Variants in ANKFN1 observed in about 807,000 individuals in gnomAD.
ANKFN1 encodes the protein ankyrin repeat and fibronectin type-III domain-containing protein 1.
In ANKFN1, 74 loss-of-function variants were observed where a neutral mutation model predicts 108.7. The observed-to-expected ratio is 0.68, with a 90% confidence interval of 0.56 to 0.83. The LOEUF (loss-of-function observed/expected upper bound fraction) is 0.83, where lower values mean the gene tolerates loss of function less well. ANKFN1 is among the 40% of genes least tolerant of loss of function. The probability of loss-of-function intolerance (pLI) is 0.00; values close to 1 mark genes in which losing one functional copy is unlikely to be tolerated. For synonymous variants in ANKFN1, 547 were observed against 516.2 expected, an observed-to-expected ratio of 1.06 and a Z score of -0.81; for missense variants, 1,505 against 1,382.3, an observed-to-expected ratio of 1.09 and a Z score of -1.41.
At chr17:56,278,702 C>G (rs2043996486) in intron 3 of ANKFN1, among the ~76,000 whole-genome samples, 1 of 152,200 alleles carries the variant, frequency 6.6e-6, no homozygotes, top group Non-Finnish European at 1.5e-5. Context: ...AACAATAATT[C>G]TGAGAGTAGA....
In ANKFN1 at chr17:56,091,550, G is replaced by A. The variant is rs141949583; in HGVS notation, c.288+45225G>A. ...GAACCAGCTTTTTAACAAATGTGGA[G>A]CAGCAGGTTCTTTGTTGAAAAACTA... On this transcript the variant is annotated intron_variant, in intron 4 of 12. Transcript: ENST00000635860. Among the ~76,000 whole-genome samples the A allele has an allele frequency of 2.0e-3, 300 of 151,120 alleles. 7 individuals are homozygous for A. Among genetic ancestry groups the A allele is most frequent in the African/African-American group, 6.5e-3 (269 of 41,236 alleles).
intron 4 of ANKFN1, among the ~76,000 whole-genome samples, chr17:56,342,146 G>A (rs1180716385): frequency 1.3e-5 from 2 of 151,322 alleles, no homozygotes; most frequent in Non-Finnish European, 2.9e-5. Context: ...GGAGTCAGTG[G>A]TAATATCCCC....
intron 4 of ANKFN1, among the ~76,000 whole-genome samples, chr17:56,086,369 C>T (rs1433547020): frequency 6.6e-6 from 1 of 151,346 alleles, no homozygotes; most frequent in African/African-American, 2.4e-5. Flanking sequence ...CACACCATTG[C>T]ACTCCAGCCT....
intron 4 of ANKFN1, among the ~76,000 whole-genome samples, chr17:56,055,319 G>A (rs945609765): frequency 4.0e-5 from 6 of 151,550 alleles, no homozygotes; most frequent in Non-Finnish European, 8.8e-5. Flanking sequence ...GTGAACATAT[G>A]AGATATTTGG....
intron 4 of ANKFN1, among the ~76,000 whole-genome samples, chr17:56,339,023 C>A (rs986868731): frequency 1.3e-5 from 2 of 152,084 alleles, no homozygotes; most frequent in African/African-American, 2.4e-5. Context: ...AATCCATGAA[C>A]AAGGAATGTC....
At chr17:56,136,823 C>T (rs1907627127) in intron 4 of ANKFN1, among the ~76,000 whole-genome samples, 1 of 152,132 alleles carries the variant, frequency 6.6e-6, no homozygotes, top group Non-Finnish European at 1.5e-5. Flanking sequence ...ATAAAAAAGC[C>T]AAAAGAAGAA....
rs1443367731 is a variant in ANKFN1 at position 56,512,590 on chromosome 17, TC to T, written c.*1323del. Among the ~76,000 whole-genome samples, 4 of 152,220 alleles carry T rather than the reference TC, an allele frequency of 2.6e-5. No homozygotes were observed. The highest frequency in any genetic ancestry group is 4.4e-5 in the Non-Finnish European group (3 of 68,036). Reference sequence around the variant, plus strand: ...CAGAAAAGGCACAAGTTTCCTCATCTCCTGGAGCCAAGACCCATTCACTTCA... The same window carrying T: ...CAGAAAAGGCACAAGTTTCCTCATCTCTGGAGCCAAGACCCATTCACTTCA... On this transcript the variant is annotated 3_prime_UTR_variant, in exon 21 of 21. Transcript: ENST00000682825.
intron 3 of ANKFN1, among the ~76,000 whole-genome samples, chr17:56,316,304 C>T (rs1051480610): frequency 3.9e-5 from 6 of 152,140 alleles, no homozygotes; most frequent in African/African-American, 1.4e-4. Flanking sequence ...AAAGAATTCT[C>T]TCCTTAATAC....
At chr17:56,326,182 G>T (rs778420260) in intron 3 of ANKFN1, 39 bp from the exon 4 acceptor site, 7 of 1,587,416 alleles carry the variant, frequency 4.4e-6, no homozygotes, top group Admixed American at 1.8e-5. Context: ...TTCGGCTCTT[G>T]CCTGTAGTGA....
At chr17:56,343,279 T>C (rs1314547901) in intron 4 of ANKFN1, among the ~76,000 whole-genome samples, 1 of 152,022 alleles carries the variant, frequency 6.6e-6, no homozygotes, top group Non-Finnish European at 1.5e-5. Context: ...GTGTTTGTGT[T>C]TATTGTACAG....
At chr17:56,295,097 A>G (rs926866411) in intron 3 of ANKFN1, among the ~76,000 whole-genome samples, 1 of 152,226 alleles carries the variant, frequency 6.6e-6, no homozygotes, top group Non-Finnish European at 1.5e-5. Context: ...ATTGGAAAAC[A>G]CTGGGTTTCC....
In ANKFN1 at chr17:56,092,266, A is replaced by ATT. The variant is rs748898792; in HGVS notation, c.288+45961_288+45962dup. On this transcript the variant is annotated intron_variant, in intron 4 of 12. Transcript: ENST00000635860. ...ATGTAGGCACAGGGAGTGAGGTAGTATTTTTTTTTTTTTTTTTTTTTGAGA... is the reference window on the plus strand; with the variant it reads ...ATGTAGGCACAGGGAGTGAGGTAGTATTTTTTTTTTTTTTTTTTTTTTTGAGA... Among the ~76,000 whole-genome samples, 124 of 111,342 alleles carry ATT rather than the reference A, an allele frequency of 1.1e-3. 4 individuals carry two copies. The highest frequency in any genetic ancestry group is 2.7e-3 in the African/African-American group (67 of 24,892). 73.0% of individuals were successfully genotyped at this position (111,342 alleles called of 152,430 possible). A position where few individuals can be genotyped will look rare whatever the true frequency, so the allele number is the denominator to read the frequency against.
Position 56,511,164 on chromosome 17 carries a change from G to A in ANKFN1, c.3336G>A (p.Pro1112=), listed in dbSNP as rs1173813302. 2.6e-6 allele frequency: 4 copies of A among 1,535,978 alleles called. No homozygotes were observed. The highest frequency in any genetic ancestry group is 2.4e-5 in the South Asian group (2 of 84,050). Residue 1112 remains proline (P), a synonymous_variant, in exon 21 of 21, where the codon CCG becomes CCA. Coordinates refer to ENST00000682825, the MANE Select transcript of ANKFN1 (RefSeq NM_001370326.1). ...QDEKPWASLS[P]PSGGRITLPS... is the part of the protein sequence containing the mutation. ...AAAAACCATGGGCAAGCTTGAGCCC[G>A]CCCTCTGGAGGCCGCATCACCCTGC...
chr17:56,148,890 C>A (rs1908425842), upstream of ANKFN1, among the ~76,000 whole-genome samples: 1 of 152,132 alleles, frequency 6.6e-6, no homozygotes, highest in Admixed American at 6.5e-5. Context: ...TGAGTACTTA[C>A]AATGAGGTAG....
chr17:56,310,431 C>T (rs1182151392), intron 3 of ANKFN1, among the ~76,000 whole-genome samples: 5 of 151,980 alleles, frequency 3.3e-5, no homozygotes, highest in South Asian at 2.1e-4. Flanking sequence ...TCCTGGCTAA[C>T]GTGGTGAAAC....
At chr17:56,148,317 T>C (rs1908387237) in intron 4 of ANKFN1, among the ~76,000 whole-genome samples, 1 of 152,212 alleles carries the variant, frequency 6.6e-6, no homozygotes. Flanking sequence ...TAATCTAGCA[T>C]TCTTTACACG....
chr17:56,346,200 A>C (rs898456283), intron 4 of ANKFN1, among the ~76,000 whole-genome samples: 4 of 151,780 alleles, frequency 2.6e-5, no homozygotes, highest in African/African-American at 9.7e-5. Context: ...GATGGTTGTA[A>C]ATGTGTGGTG....
At chr17:56,069,454 C>T (rs1313403153) in intron 4 of ANKFN1, among the ~76,000 whole-genome samples, 1 of 152,148 alleles carries the variant, frequency 6.6e-6, no homozygotes, top group Admixed American at 6.6e-5. Flanking sequence ...AACAAGGTTT[C>T]ACTGTGACAA....
chr17:56,216,668 G>A (rs1402146190), intron 2 of ANKFN1, among the ~76,000 whole-genome samples: 1 of 152,158 alleles, frequency 6.6e-6, no homozygotes, highest in Non-Finnish European at 1.5e-5. Flanking sequence ...GCATAAAAAT[G>A]GGAGCCAAAA....
Sources: allele counts gnomAD v4.1 joint callset (sites outside exome capture counted in the v4.1 genomes callset), GRCh38; gene constraint gnomAD v4.1.1; transcripts MANE v1.5; gene names NCBI Gene and HGNC (gene_info 2026-07-23, HGNC 2026-07-21).